INPP4B: variants seen among roughly 807,000 people sequenced by gnomAD.
The protein encoded by INPP4B is inositol polyphosphate-4-phosphatase type II B, also known as inositol polyphosphate 4-phosphatase type II.
A neutral mutation model predicts 122.5 loss-of-function variants in INPP4B; 55 were observed. The observed-to-expected ratio is 0.45, with a 90% confidence interval of 0.36 to 0.56. INPP4B has a LOEUF of 0.56. INPP4B is among the 20% of genes least tolerant of loss of function. The probability of loss-of-function intolerance (pLI) is 0.00; values close to 1 mark genes in which losing one functional copy is unlikely to be tolerated. For missense variants in INPP4B, 1,000 were observed against 1,097.7 expected, an observed-to-expected ratio of 0.91 and a Z score of 1.26; for synonymous variants, 403 against 388.7, an observed-to-expected ratio of 1.04 and a Z score of -0.43.
chr4:142,316,504 A>G (rs1767740553), intron 7 of INPP4B, among the ~76,000 whole-genome samples: 1 of 150,676 alleles, frequency 6.6e-6, no homozygotes, highest in South Asian at 2.1e-4. Flanking sequence ...CTACATATAT[A>G]CATATTAGTA....
At chr4:142,409,134 G>C (rs1004559075) in intron 5 of INPP4B, among the ~76,000 whole-genome samples, 1 of 152,138 alleles carries the variant, frequency 6.6e-6, no homozygotes, top group Admixed American at 6.5e-5. Flanking sequence ...GCTCATATTT[G>C]TACAGGAGCC....
At chr4:142,158,120 G>C (rs1242435687) in intron 17 of INPP4B, among the ~76,000 whole-genome samples, 1 of 151,990 alleles carries the variant, frequency 6.6e-6, no homozygotes, top group Non-Finnish European at 1.5e-5. Flanking sequence ...AACAAAACAT[G>C]TAAATAACTA....
intron 11 of INPP4B, among the ~76,000 whole-genome samples, chr4:142,253,701 C>T (rs999032303): frequency 6.6e-6 from 1 of 152,214 alleles, no homozygotes; most frequent in South Asian, 2.1e-4. Flanking sequence ...CTCGGAGGGT[C>T]CTACGCCCAC....
At chr4:142,617,262 T>C (rs993803256) in intron 2 of INPP4B, among the ~76,000 whole-genome samples, 1 of 152,046 alleles carries the variant, frequency 6.6e-6, no homozygotes, top group African/African-American at 2.4e-5. Flanking sequence ...CTATTTCTAT[T>C]GACAAATTGA....
intron 24 of INPP4B, among the ~76,000 whole-genome samples, chr4:142,085,825 C>T (rs1293813653): frequency 1.3e-5 from 2 of 152,176 alleles, no homozygotes; most frequent in African/African-American, 4.8e-5. Context: ...AGTTCAAAAT[C>T]CTGGGTGATA....
chr4:142,432,216 T>C (rs1809474398), intron 3 of INPP4B, among the ~76,000 whole-genome samples: 1 of 152,100 alleles, frequency 6.6e-6, no homozygotes, highest in African/African-American at 2.4e-5. Context: ...TGAATTAAAA[T>C]GTATAAAAAT....
At chr4:142,062,002 C>T (rs28668640) in intron 25 of INPP4B, among the ~76,000 whole-genome samples, 3,827 of 151,140 alleles carry the variant, frequency 0.025, 178 homozygotes, top group African/African-American at 0.089. Context: ...CCAATTTACT[C>T]TTCAATTTCA....
chr4:142,744,949 G>A (rs984872075), intron 1 of INPP4B, among the ~76,000 whole-genome samples: 8 of 151,664 alleles, frequency 5.3e-5, no homozygotes, highest in Non-Finnish European at 1.2e-4. Context: ...AAAAAAAGAT[G>A]TGCAAAAGAA....
At chr4:142,245,866 A>G (rs369614636) in intron 11 of INPP4B, among the ~76,000 whole-genome samples, 1 of 20,602 alleles carries the variant, frequency 4.9e-5, no homozygotes, top group Admixed American at 6.3e-4. Flanking sequence ...ATATATGTGT[A>G]TGTATACATA....
intron 2 of INPP4B, among the ~76,000 whole-genome samples, chr4:142,549,020 G>A (rs1727348407): frequency 6.6e-6 from 1 of 152,056 alleles, no homozygotes; most frequent in South Asian, 2.1e-4. Flanking sequence ...TGGGACCTGA[G>A]AGCTTGTCCA....
At position 142,119,642 on chromosome 4, in the gene INPP4B, G is replaced by A. The variant is rs865854984; in HGVS notation, c.2135+2486C>T. 3.2e-4 allele frequency among the ~76,000 whole-genome samples: 48 copies of A among 149,444 alleles called. No individual in the cohort carries two copies. The Middle Eastern group carries it at 0.014, about 43-fold the overall frequency. On this transcript the variant is annotated intron_variant, in intron 21 of 25. Transcript: ENST00000262992. ...TGGGGTACATCATACATTGGAGTCT[G>A]TCGTGGGGTGGGGGGAAGGGAGAGG...
intron 11 of INPP4B, among the ~76,000 whole-genome samples, chr4:142,256,134 T>C (rs1223476645): frequency 6.7e-6 from 1 of 148,682 alleles, no homozygotes; most frequent in Non-Finnish European, 1.5e-5. Flanking sequence ...AAGGCAGAAA[T>C]AAAGATGTTC....
intron 17 of INPP4B, among the ~76,000 whole-genome samples, chr4:142,158,149 A>AAC (rs549286559): frequency 3.1e-4 from 47 of 152,216 alleles, no homozygotes; most frequent in South Asian, 6.2e-4. Flanking sequence ...CACAGGCACA[A>AAC]ACACACACAC....
At chr4:142,758,832 A>G (rs986571844) in intron 1 of INPP4B, among the ~76,000 whole-genome samples, 1 of 151,886 alleles carries the variant, frequency 6.6e-6, no homozygotes, top group Non-Finnish European at 1.5e-5. Context: ...GTACACTTGT[A>G]GTTCCAGCTA....
At position 142,301,875 on chromosome 4, in the gene INPP4B, G is replaced by A. The variant is rs3775685; in HGVS notation, c.503+3583C>T. On this transcript the variant is annotated intron_variant, in intron 9 of 25. Transcript: ENST00000262992. The stretch of plus-strand genomic sequence containing the variant: ...GTAGTTGTTGTTGCTTTGCATCTGT[G>A]GTTGTTTAAATACTTTAAGATCAAT... 8.3e-3 allele frequency among the ~76,000 whole-genome samples: 1,263 copies of A among 152,074 alleles called. 21 individuals are homozygous for A. The highest frequency in any genetic ancestry group is 0.05 in the East Asian group (261 of 5,174).
intron 5 of INPP4B, among the ~76,000 whole-genome samples, chr4:142,416,012 G>A (rs1805668822): frequency 6.6e-6 from 1 of 151,376 alleles, no homozygotes; most frequent in African/African-American, 2.4e-5. Flanking sequence ...GTGGGGTGGG[G>A]TGAGGGGGGA....
At chr4:142,630,098 C>A (rs1352370461) in intron 2 of INPP4B, among the ~76,000 whole-genome samples, 1 of 152,086 alleles carries the variant, frequency 6.6e-6, no homozygotes, top group African/African-American at 2.4e-5. Flanking sequence ...GTAAGCCCAA[C>A]GCGATCAGTA....
chr4:142,240,345 T>C (rs1045400557), intron 11 of INPP4B, among the ~76,000 whole-genome samples: 2 of 152,120 alleles, frequency 1.3e-5, no homozygotes, highest in Admixed American at 1.3e-4. Flanking sequence ...CCTGGCCTTA[T>C]TGTTTCCATT....
At chr4:142,404,703 C>A (rs1362969744) in intron 6 of INPP4B, among the ~76,000 whole-genome samples, 1 of 151,966 alleles carries the variant, frequency 6.6e-6, no homozygotes, top group Admixed American at 6.6e-5. Flanking sequence ...GACAGACAAA[C>A]AACAGAGAAT....
Sources: gnomAD v4.1 joint callset for allele counts (sites outside exome capture counted in the v4.1 genomes callset) on GRCh38, gnomAD v4.1.1 for gene constraint, MANE v1.5 for transcripts, NCBI Gene and HGNC (gene_info 2026-07-23, HGNC 2026-07-21) for gene names.